The following COP1 variants were observed in gnomAD, a reference collection of about 807,000 sequenced individuals.
COP1 encodes COP1 E3 ubiquitin ligase.
A neutral mutation model predicts 101.3 loss-of-function variants in COP1; 24 were observed. The ratio of observed to expected loss-of-function variants is 0.24; its 90% CI spans 0.17 to 0.33. The LOEUF (loss-of-function observed/expected upper bound fraction) is 0.33, where lower values mean the gene tolerates loss of function less well. Ranked by LOEUF, COP1 falls within the 10% of genes least tolerant of loss-of-function variation. The pLI is 1.00. For missense variants in COP1, 663 were observed against 906.2 expected (o/e 0.73, Z 3.45); for synonymous variants, 347 against 341.9 (o/e 1.01, Z -0.17).
intron 5 of COP1, among the ~76,000 whole-genome samples, chr1:176,150,140 T>C (rs1204238486): frequency 1.3e-5 from 2 of 152,256 alleles, no homozygotes; most frequent in South Asian, 2.1e-4. Context: ...ATCTGAAGAA[T>C]CACTAAGATA....
chr1:176,057,600 G>A (rs1303605908), intron 11 of COP1, among the ~76,000 whole-genome samples: 5 of 152,192 alleles, frequency 3.3e-5, no homozygotes, highest in African/African-American at 7.2e-5. Context: ...GCCTCCCGAG[G>A]TGCCGGGATT....
intron 15 of COP1, among the ~76,000 whole-genome samples, chr1:175,992,081 T>A (rs879497700): frequency 2.8e-4 from 42 of 152,246 alleles, no homozygotes; most frequent in Non-Finnish European, 4.8e-4. Flanking sequence ...TGAACATTTT[T>A]AATTTTTTTT....
intron 11 of COP1, among the ~76,000 whole-genome samples, chr1:176,058,977 C>T (rs1674362082): frequency 6.6e-6 from 1 of 152,238 alleles, no homozygotes; most frequent in Non-Finnish European, 1.5e-5. Context: ...TCTCAGAAGA[C>T]TGAATGCTCA....
At chr1:176,008,139 G>T (rs985843200) in intron 15 of COP1, among the ~76,000 whole-genome samples, 1 of 152,128 alleles carries the variant, frequency 6.6e-6, no homozygotes. Flanking sequence ...TCTTTGACTC[G>T]GAAAGGGAAC....
At position 175,978,826 on chromosome 1, in the gene COP1, T is replaced by C. The variant is rs116329506; in HGVS notation, c.2133+8117A>G. Reference sequence around the variant, plus strand: ...AAAGAGAAGAAGCTTCTATGTTGTCTTCTCCGCACTCATTGAGGAATTTAA... The same window carrying C: ...AAAGAGAAGAAGCTTCTATGTTGTCCTCTCCGCACTCATTGAGGAATTTAA... On this transcript the variant is annotated intron_variant, in intron 18 of 19. Coordinates refer to ENST00000367669, the MANE Select transcript of COP1 (RefSeq NM_022457.7). 7.7e-3 allele frequency among the ~76,000 whole-genome samples: 1,166 copies of C among 152,270 alleles called. 16 individuals are homozygous for C. Among genetic ancestry groups the C allele is most frequent in the African/African-American group, 0.026 (1,085 of 41,564 alleles).
intron 14 of COP1, among the ~76,000 whole-genome samples, chr1:176,034,645 G>A (rs1669181836): frequency 1.3e-5 from 2 of 152,154 alleles, no homozygotes; most frequent in Non-Finnish European, 2.9e-5. Context: ...AGAAAGTAAT[G>A]GAGAAGGAGA....
At chr1:176,067,602 T>C (rs1404981070) in intron 11 of COP1, among the ~76,000 whole-genome samples, 1 of 152,074 alleles carries the variant, frequency 6.6e-6, no homozygotes. Context: ...TCTATCCTCC[T>C]TCTGGCCTCT....
At chr1:176,198,071 C>T (rs1699888273) in intron 1 of COP1, among the ~76,000 whole-genome samples, 1 of 152,010 alleles carries the variant, frequency 6.6e-6, no homozygotes, top group South Asian at 2.1e-4. Context: ...TGTCATCTTC[C>T]CAAATGAAAT....
intron 16 of COP1, chr1:175,988,770 C>T (rs549707137): frequency 2.5e-4 from 43 of 175,412 alleles, no homozygotes; most frequent in Admixed American, 8.8e-4. Flanking sequence ...GGGGCAGATG[C>T]TGCAGTGAGC....
intron 15 of COP1, chr1:176,017,224 A>G (rs1665819947): frequency 6.6e-6 from 1 of 152,248 alleles, no homozygotes; most frequent in Admixed American, 6.5e-5. Flanking sequence ...GGACACAATC[A>G]GTCTAGACTG....
chr1:176,166,645 C>T (rs895088384), intron 3 of COP1, among the ~76,000 whole-genome samples: 3 of 151,980 alleles, frequency 2.0e-5, no homozygotes, highest in African/African-American at 4.8e-5. Context: ...TCTTGAAAAA[C>T]GATATCCTAG....
intron 18 of COP1, among the ~76,000 whole-genome samples, chr1:175,948,241 G>A (rs1649430463): frequency 6.6e-6 from 1 of 152,190 alleles, no homozygotes; most frequent in South Asian, 2.1e-4. Flanking sequence ...TCAGAAAGTA[G>A]GAAGAATGGA....
At chr1:176,026,626 A>G (rs997909990) in intron 15 of COP1, among the ~76,000 whole-genome samples, 13 of 152,144 alleles carry the variant, frequency 8.5e-5, no homozygotes, top group Non-Finnish European at 1.9e-4. Context: ...GTCCTCCTTA[A>G]ACTGAACTAT....
At chr1:176,014,858 C>G (rs4652143) in intron 15 of COP1, among the ~76,000 whole-genome samples, 1 of 151,838 alleles carries the variant, frequency 6.6e-6, no homozygotes, top group Admixed American at 6.6e-5. Context: ...ATCTATTATG[C>G]GCAGTTGTAA....
intron 8 of COP1, among the ~76,000 whole-genome samples, chr1:176,122,139 C>A (rs80262161): frequency 2.5e-3 from 289 of 114,822 alleles, no homozygotes; most frequent in East Asian, 2.8e-3. Context: ...GACTGCATCT[C>A]AAAAAAAAAA....
At chr1:176,002,768 T>G (rs7544771) in intron 15 of COP1, among the ~76,000 whole-genome samples, 1,975 of 149,610 alleles carry the variant, frequency 0.013, 24 homozygotes, top group African/African-American at 0.046. Context: ...GTTGGACATT[T>G]GGGTTGGTTC....
intron 1 of COP1, among the ~76,000 whole-genome samples, chr1:176,194,448 G>C (rs1397122948): frequency 6.6e-6 from 1 of 152,028 alleles, no homozygotes; most frequent in East Asian, 1.9e-4. Flanking sequence ...GACCATCCTG[G>C]CCAACATGGT....
intron 14 of COP1, among the ~76,000 whole-genome samples, chr1:176,035,633 T>C (rs1669365605): frequency 7.5e-6 from 1 of 133,388 alleles, no homozygotes; most frequent in Admixed American, 7.7e-5. Context: ...AAAACACACT[T>C]AACACAAAAA....
chr1:176,057,528 G>C (rs1051499166), intron 11 of COP1, among the ~76,000 whole-genome samples: 1 of 152,196 alleles, frequency 6.6e-6, no homozygotes, highest in African/African-American at 2.4e-5. Context: ...GTGGAGACGG[G>C]GTTTCGCTGT....
Sources: allele counts gnomAD v4.1 joint callset (sites outside exome capture counted in the v4.1 genomes callset), GRCh38; gene constraint gnomAD v4.1.1; transcripts MANE v1.5; gene names NCBI Gene and HGNC (gene_info 2026-07-23, HGNC 2026-07-21).